The following PAX9 variants were observed in gnomAD, a reference collection of about 807,000 sequenced individuals.
PAX9 encodes the protein paired box 9, also known as paired box protein Pax-9.
PAX9 carries 6 observed loss-of-function variants against 29.1 expected under a neutral mutation model. The ratio of observed to expected loss-of-function variants is 0.21; its 90% confidence interval spans 0.11 to 0.41. The LOEUF (loss-of-function observed/expected upper bound fraction) is 0.41, where lower values mean the gene tolerates loss of function less well. Among genes scored for constraint, PAX9 ranks in the 10% least tolerant of loss-of-function variants. PAX9 has a pLI of 1.00. For missense variants in PAX9, 443 were observed against 479.1 expected (o/e 0.92, Z 0.70); for synonymous variants, 217 against 211.7 (o/e 1.03, Z -0.22).
chr14:36,678,425 TCAGGGC>T lies in PAX9; in HGVS notation c.*1976_*1981del, dbSNP rs1249225294. The T allele has an allele frequency of 2.2e-6, 3 of 1,366,650 alleles. No homozygotes were observed. In the African/African-American group the frequency reaches 4.3e-5, roughly 20 times the overall value. 84.7% of individuals were successfully genotyped at this position (1,366,650 alleles called of 1,614,324 possible). A position where few individuals can be genotyped will look rare whatever the true frequency, so the allele number is the denominator to read the frequency against. ...ATAAGCAGAAGGAGCAGATGAACTC[TCAGGGC>T]CATAGTCTTCCTTTGATCTTGTAAA... On this transcript the variant is annotated 3_prime_UTR_variant, in exon 4 of 4. Coordinates refer to ENST00000361487, the MANE Select transcript of PAX9 (RefSeq NM_001372076.1).
At chr14:36,672,852 CTTTTTTTTTTTTTTTTTTTTT>C (rs3061562) in intron 3 of PAX9, among the ~76,000 whole-genome samples, 1 of 19,146 alleles carries the variant, frequency 5.2e-5, no homozygotes, top group African/African-American at 1.8e-4. Flanking sequence ...TTCTTTCTTC[CTTTTTTTTTTTTTTTTTTTTT>C]TTTTTTTTTG....
In PAX9 at chr14:36,677,228, G is replaced by A. The variant is rs554566830; in HGVS notation, c.*776G>A. 6.6e-6 allele frequency: 1 copy of A among 151,966 alleles called. No individual in the cohort carries two copies. Among genetic ancestry groups the A allele is most frequent in the Non-Finnish European group, 1.5e-5 (1 of 68,134 alleles). 9.4% of individuals were successfully genotyped at this position (151,966 alleles called of 1,614,324 possible). ...TTTGCAAAGGTGACTTTCTGGCAAC[G>A]TCTTTGTCTCTGTTTGGTGGTGGGC... On this transcript the variant is annotated 3_prime_UTR_variant, in exon 4 of 4. Coordinates refer to ENST00000361487, the MANE Select transcript of PAX9 (RefSeq NM_001372076.1).
chr14:36,663,468 G>T lies in PAX9; in HGVS notation c.576G>T (p.Trp192Cys). 2 of 1,612,982 alleles carry T rather than the reference G, an allele frequency of 1.2e-6. No homozygotes were observed. The highest frequency in any genetic ancestry group is 1.7e-6 in the Non-Finnish European group (2 of 1,179,856). Residue 192 changes from tryptophan (W) to cysteine (C), a missense_variant, in exon 2 of 4, where the codon TGG (tryptophan) becomes TGT (cysteine). Coordinates refer to ENST00000361487, the MANE Select transcript of PAX9 (RefSeq NM_001372076.1). ...IPGSVAMPRT[W>C]PSSHSVTDIL... ...GTTCGGTGGCCATGCCGCGCACCTG[G>T]CCCTCCTCGCACTCCGTCACCGACA... is the stretch of plus-strand genomic sequence containing the variant.
intron 3 of PAX9, among the ~76,000 whole-genome samples, chr14:36,673,530 C>CACGGGGAACATCTCTGGGCAAAAAG (rs6145299): frequency 3.3e-5 from 5 of 151,988 alleles, no homozygotes; most frequent in African/African-American, 7.3e-5. Context: ...GGCCATCTTC[C>CACGGGGAACATCTCTGGGCAAAAAG]AAGTGGGTCC....
intron 3 of PAX9, among the ~76,000 whole-genome samples, chr14:36,672,634 C>T (rs1264160969): frequency 6.6e-6 from 1 of 151,128 alleles, no homozygotes; most frequent in Non-Finnish European, 1.5e-5. Context: ...TTTACTTGCT[C>T]CTTTTTTTTC....
At chr14:36,668,828 G>T (rs944517143) in intron 3 of PAX9, among the ~76,000 whole-genome samples, 4 of 151,854 alleles carry the variant, frequency 2.6e-5, no homozygotes, top group Non-Finnish European at 4.4e-5. Flanking sequence ...TTGATATTCT[G>T]ATTATTAAAA....
intron 3 of PAX9, among the ~76,000 whole-genome samples, chr14:36,668,960 TC>T (rs773438044): frequency 2.8e-4 from 42 of 152,290 alleles, no homozygotes; most frequent in African/African-American, 4.1e-4. Flanking sequence ...AGCTATTTTT[TC>T]CAGAATAAAA....
intron 3 of PAX9, among the ~76,000 whole-genome samples, chr14:36,667,386 C>G (rs1215695297): frequency 2.0e-5 from 3 of 151,772 alleles, no homozygotes; most frequent in African/African-American, 7.3e-5. Context: ...AGATTTAAGT[C>G]TAAATTCATC....
chr14:36,662,168 G>T, intron 1 of PAX9, 75 bp downstream of exon 1: 1 of 367,254 alleles, frequency 2.7e-6, no homozygotes, highest in South Asian at 2.2e-5. Context: ...GGGAGGGAGG[G>T]AGGGAGCGCG....
chr14:36,676,206 T>C lies in PAX9; in HGVS notation c.780T>C (p.Asn260=). ...TTTTCTACTCCTCTCAGGCACCAAA[T>C]GGTCTCCCAGCTGTGGGCAGTTTTG... ...EQEAKYGQAP[N]GLPAVGSFVS... Residue 260 remains asparagine, a synonymous_variant, in exon 4 of 4, where the codon AAT becomes AAC. Coordinates refer to ENST00000361487, the MANE Select transcript of PAX9 (RefSeq NM_001372076.1). 3 of 1,614,142 alleles carry C rather than the reference T, an allele frequency of 1.9e-6. No individual in the cohort carries two copies. The highest frequency in any genetic ancestry group is 2.5e-6 in the Non-Finnish European group (3 of 1,180,018).
At chr14:36,672,491 G>C (rs1881721189) in intron 3 of PAX9, among the ~76,000 whole-genome samples, 1 of 152,038 alleles carries the variant, frequency 6.6e-6, no homozygotes, top group Non-Finnish European at 1.5e-5. Context: ...ACAATTACTT[G>C]ACCCAGTAGA....
In PAX9 at chr14:36,678,464, T is replaced by C. The variant is rs1489642058; in HGVS notation, c.*2012T>C. ...TTCCTTTGATCTTGTAAAACTTCCA[T>C]TGACATCTGGAGTTCCCAGTCTGGT... On this transcript the variant is annotated 3_prime_UTR_variant, in exon 4 of 4. Coordinates refer to ENST00000361487, the MANE Select transcript of PAX9 (RefSeq NM_001372076.1). The C allele has an allele frequency of 3.3e-6, 5 of 1,530,772 alleles. No individual in the cohort carries two copies. The highest frequency in any genetic ancestry group is 2.4e-5 in the East Asian group (1 of 40,882). The allele number at this position is 1,530,772 out of a possible 1,614,324, so 94.8% of individuals were successfully genotyped here.
chr14:36,675,834 T>C (rs984636882), intron 3 of PAX9, among the ~76,000 whole-genome samples: 2 of 152,158 alleles, frequency 1.3e-5, no homozygotes, highest in Non-Finnish European at 2.9e-5. Context: ...CCCAGGAAGG[T>C]TGACAAAGGC....
rs1277121517 is a variant in PAX9, at chr14:36,669,969, C to T, written c.771+3368C>T. 3.9e-5 allele frequency among the ~76,000 whole-genome samples: 6 copies of T among 152,000 alleles called. No homozygotes were observed. In the East Asian group the frequency reaches 5.8e-4, roughly 15 times the overall value. On this transcript the variant is annotated intron_variant, in intron 3 of 3. Coordinates refer to ENST00000361487, the MANE Select transcript of PAX9 (RefSeq NM_001372076.1). ...ACAATGTTCTCTGCTTCCTGATGGC[C>T]GGTTCTCTTCTGTTGAAAGCATAAA...
intron 1 of PAX9, 94 bp downstream of exon 1, chr14:36,662,187 C>T: frequency 7.8e-7 from 1 of 1,289,490 alleles, no homozygotes; most frequent in Non-Finnish European, 1.0e-6. Context: ...CGAGGGCGCG[C>T]GCCACTAGGC....
At chr14:36,668,275 T>A (rs1475508878) in intron 3 of PAX9, among the ~76,000 whole-genome samples, 2 of 152,218 alleles carry the variant, frequency 1.3e-5, no homozygotes, top group East Asian at 3.8e-4. Context: ...CATCATTGAT[T>A]GGAATAACAT....
chr14:36,661,089 C>A (rs763231072), upstream of PAX9, among the ~76,000 whole-genome samples: 5 of 152,280 alleles, frequency 3.3e-5, no homozygotes, highest in Non-Finnish European at 7.3e-5. Context: ...GAGCCTTGGG[C>A]TCCGTAGTGA....
chr14:36,662,248 C>G (rs1354137766), intron 1 of PAX9, among the ~76,000 whole-genome samples, 155 bp downstream of exon 1: 1 of 151,956 alleles, frequency 6.6e-6, no homozygotes, highest in African/African-American at 2.4e-5. Flanking sequence ...TGTAGGAACA[C>G]GCTAAGGGTC....
rs187490531 is a variant in PAX9 at position 36,666,038 on chromosome 14, C to G, written c.632-424C>G. 1,076 of 191,448 alleles carry G rather than the reference C, an allele frequency of 5.6e-3. 14 individuals are homozygous for G. The highest frequency in any genetic ancestry group is 7.0e-3 in the Middle Eastern group (3 of 426). 11.9% of individuals were successfully genotyped at this position (191,448 alleles called of 1,614,324 possible). ...AGACGCTCCTCTCTTTCTTTTCAGC[C>G]AGCCCCACTGCCAAATTGTTGTCAA... is the stretch of plus-strand genomic sequence containing the variant. On this transcript the variant is annotated intron_variant, in intron 2 of 3. Transcript: ENST00000361487.
Sources: allele counts gnomAD v4.1 joint callset (sites outside exome capture counted in the v4.1 genomes callset), GRCh38; gene constraint gnomAD v4.1.1; transcripts MANE v1.5; gene names NCBI Gene and HGNC (gene_info 2026-07-23, HGNC 2026-07-21).